The following KARS1 variants were observed in gnomAD, a reference collection of about 807,000 sequenced individuals.
KARS1 encodes lysine--tRNA ligase.
KARS1 carries 50 observed loss-of-function variants against 63.9 expected under a neutral mutation model. The observed-to-expected ratio is 0.78, with a 90% CI of 0.62 to 0.99. The LOEUF (loss-of-function observed/expected upper bound fraction) is 0.99, where lower values mean the gene tolerates loss of function less well. Among genes scored for constraint, KARS1 ranks in the 50% least tolerant of loss-of-function variants. The pLI is 0.00. For missense variants in KARS1, 816 were observed against 754.5 expected, an observed-to-expected ratio of 1.08 and a Z score of -0.95; for synonymous variants, 320 against 264.6, an observed-to-expected ratio of 1.21 and a Z score of -2.03.
chr16:75,645,096 GCA>G (rs1435135576), intron 1 of KARS1, among the ~76,000 whole-genome samples: 1 of 152,228 alleles, frequency 6.6e-6, no homozygotes, highest in Non-Finnish European at 1.5e-5. Flanking sequence ...CGGGCAGGGA[GCA>G]CATCTGCTTT....
In KARS1 at chr16:75,629,491, T is replaced by C. The variant is rs1376984170; in HGVS notation, c.1475A>G (p.Lys492Arg). Residue 492 changes from lysine (K) to arginine (R), a missense_variant, in exon 12 of 14, where the codon AAG becomes AGG. Transcript: ENST00000302445. ...AGTATACGCATTGCATATCTCTTTC[T>C]TCATGACAAACAGCTCAAAGCGCTC... ...LTERFELFVMKKEICNAYTEL... is the reference protein window; with the variant it reads ...LTERFELFVMRKEICNAYTEL... The C allele has an allele frequency of 1.9e-6, 3 of 1,614,100 alleles. No homozygotes were observed. Among genetic ancestry groups the C allele is most frequent in the African/African-American group, 2.7e-5 (2 of 74,952 alleles).
At chr16:75,635,428 G>C (rs2082151240) in intron 6 of KARS1, 1 of 438,372 alleles carries the variant, frequency 2.3e-6, no homozygotes, top group South Asian at 2.5e-5. Context: ...AAAGCAAAAT[G>C]ACGTGAATAC....
intron 1 of KARS1, chr16:75,644,282 C>T (rs1176304515): frequency 1.9e-6 from 3 of 1,596,900 alleles, no homozygotes; most frequent in Admixed American, 1.8e-5. Context: ...TGGGCACCAA[C>T]CTTCTTTGAT....
Position 75,640,278 on chromosome 16 carries a change from C to G in KARS1, c.294G>C (p.Lys98Asn). The change falls in exon 3 of 14, where the codon AAG becomes AAC. Residue 98 changes from lysine (K) to asparagine (N), a missense_variant. Coordinates refer to ENST00000302445, the MANE Select transcript of KARS1 (RefSeq NM_005548.3). ...KVNGEDPYPH[K>N]FHVDISLTDF... ...CAGTGAGTGAGATGTCTACATGGAA[C>G]TTGTGTGGGTATGGGTCTTCCCCAT... 1 of 1,612,592 alleles carries G rather than the reference C, an allele frequency of 6.2e-7. No individual in the cohort carries two copies. Among genetic ancestry groups the G allele is most frequent in the Non-Finnish European group, 8.5e-7 (1 of 1,179,832 alleles).
chr16:75,632,991 TTAAC>T (rs2082128539), intron 7 of KARS1, among the ~76,000 whole-genome samples: 1 of 152,122 alleles, frequency 6.6e-6, no homozygotes, highest in Non-Finnish European at 1.5e-5. Flanking sequence ...CCTACCTCCA[TTAAC>T]TAACCTTTCA....
chr16:75,646,587 G>C (rs1283163833), intron 1 of KARS1, among the ~76,000 whole-genome samples: 2 of 151,778 alleles, frequency 1.3e-5, no homozygotes, highest in African/African-American at 4.8e-5. Context: ...TTTCATTCAG[G>C]GTCTGGCTCC....
Position 75,631,196 on chromosome 16 carries a change from G to C in KARS1, c.1310C>G (p.Pro437Arg). 4 of 1,614,054 alleles carry C rather than the reference G, an allele frequency of 2.5e-6. No homozygotes were observed. Among genetic ancestry groups the C allele is most frequent in the Non-Finnish European group, 3.4e-6 (4 of 1,179,962 alleles). The part of the protein sequence containing the change: ...CVAKAVECPP[P>R]RTTARLLDKL... ...GTCAAGGAGCCTGGCTGTGGTCCGA[G>C]GTGGAGGGCATTCAACAGCTTTTGC... The change falls in exon 10 of 14, where the codon CCT becomes CGT. Residue 437 changes from proline to arginine, a missense_variant. Physicochemically the swap from Pro to Arg is moderately radical, Grantham distance 103 (BLOSUM62 -2). Coordinates refer to ENST00000302445, the MANE Select transcript of KARS1 (RefSeq NM_005548.3).
At chr16:75,631,385 T>C (rs1329880027) in intron 9 of KARS1, 31 bp downstream of exon 9, 2 of 1,612,058 alleles carry the variant, frequency 1.2e-6, no homozygotes, top group Admixed American at 1.7e-5. Context: ...AGGAGGGCCT[T>C]ACAACGGAGG....
chr16:75,631,394 G>A (rs1278435107), intron 9 of KARS1, 22 bp downstream of exon 9: 1 of 1,612,754 alleles, frequency 6.2e-7, no homozygotes, highest in Non-Finnish European at 8.5e-7. Context: ...TTACAACGGA[G>A]GAGTGAGTGT....
intron 1 of KARS1, chr16:75,644,549 A>G (rs891009972): frequency 3.9e-5 from 36 of 921,508 alleles, no homozygotes; most frequent in Non-Finnish European, 5.5e-5. Flanking sequence ...GGGGAGGGGG[A>G]CCATGCTTCT....
chr16:75,630,337 A>C, intron 11 of KARS1, 86 bp downstream of exon 11: 1 of 885,008 alleles, frequency 1.1e-6, no homozygotes, highest in South Asian at 1.4e-5. Flanking sequence ...AAAGACCACC[A>C]GTCAAACCAC....
intron 10 of KARS1, 111 bp downstream of exon 10, chr16:75,631,057 T>A: frequency 1.2e-6 from 1 of 802,416 alleles, no homozygotes; most frequent in Non-Finnish European, 2.2e-6. Flanking sequence ...TCTAGGGTTT[T>A]CCTGTGAAGC....
intron 7 of KARS1, chr16:75,633,957 GA>G: frequency 1.7e-6 from 1 of 575,144 alleles, no homozygotes; most frequent in South Asian, 1.7e-5. Flanking sequence ...GTATACATGG[GA>G]AAGACAACCC....
chr16:75,637,011 T>A (rs545941948), intron 3 of KARS1, among the ~76,000 whole-genome samples: 1 of 150,984 alleles, frequency 6.6e-6, no homozygotes, highest in East Asian at 2.0e-4. Context: ...TGAGGTTTAA[T>A]CCCCATCTTT....
rs764194013 is a variant in KARS1 at position 75,631,406 on chromosome 16, G to C, written c.1252+10C>G. ...GCCTTACAACGGAGGAGTGAGTGTT[G>C]TCACTTTACCTTCAGTTTCAAAGAG... On this transcript the variant is annotated intron_variant, in intron 9 of 13. Transcript: ENST00000302445. 5.0e-6 allele frequency: 8 copies of C among 1,613,770 alleles called. No individual in the cohort carries two copies. In the African/African-American group the frequency reaches 1.1e-4, roughly 22 times the overall value.
Position 75,635,812 on chromosome 16 carries a change from C to G in KARS1, c.670-7G>C, listed in dbSNP as rs1260593061. ...TCTGGCGATACCTTGTTTCCTAAAC[C>G]AAAAGCAGCAGTTAGAAATCACTGG... On this transcript the variant is annotated splice_region_variant and splice_polypyrimidine_tract_variant and intron_variant, in intron 5 of 13. Coordinates refer to ENST00000302445, the MANE Select transcript of KARS1 (RefSeq NM_005548.3). 1.9e-6 allele frequency: 3 copies of G among 1,613,992 alleles called. No homozygotes were observed. Among genetic ancestry groups the G allele is most frequent in the Non-Finnish European group, 2.5e-6 (3 of 1,180,014 alleles).
intron 1 of KARS1, among the ~76,000 whole-genome samples, chr16:75,643,289 G>A (rs2082244459): frequency 6.6e-6 from 1 of 151,984 alleles, no homozygotes; most frequent in East Asian, 1.9e-4. Flanking sequence ...AGTCATGCCC[G>A]CAAACATTCT....
At chr16:75,644,465 A>G (rs750251951) in intron 1 of KARS1, 2 of 1,584,172 alleles carry the variant, frequency 1.3e-6, no homozygotes, top group African/African-American at 1.3e-5. Flanking sequence ...ACCACCACCT[A>G]GCGGGAAACA....
At chr16:75,628,847 T>A in intron 12 of KARS1, 135 bp from the exon 13 acceptor site, 1 of 932,418 alleles carries the variant, frequency 1.1e-6, no homozygotes, top group Non-Finnish European at 1.7e-6. Context: ...TTGCTGGGAA[T>A]TCATTTCCTA....
Sources: gnomAD v4.1 joint callset for allele counts (sites outside exome capture counted in the v4.1 genomes callset) on GRCh38, gnomAD v4.1.1 for gene constraint, MANE v1.5 for transcripts, NCBI Gene and HGNC (gene_info 2026-07-23, HGNC 2026-07-21) for gene names.